Variants in DLG2 observed in about 807,000 individuals in gnomAD.
DLG2 encodes the protein disks large homolog 2.
A neutral mutation model predicts 132.5 loss-of-function variants in DLG2; 45 were observed. The observed-to-expected ratio is 0.34, with a 90% CI of 0.27 to 0.44. The LOEUF is 0.44. Ranked by LOEUF, DLG2 falls within the 20% of genes least tolerant of loss-of-function variation. DLG2 has a pLI of 1.00. For synonymous variants in DLG2, 424 were observed against 419.6 expected (o/e 1.01, Z -0.13); for missense variants, 1,045 against 1,196.9 (o/e 0.87, Z 1.87).
At chr11:85,137,160 G>C (rs985777350) in intron 5 of DLG2, among the ~76,000 whole-genome samples, 11 of 152,060 alleles carry the variant, frequency 7.2e-5, no homozygotes, top group Admixed American at 2.6e-4. Flanking sequence ...ATTTCTAGCT[G>C]AAGTGTTACA....
chr11:85,568,318 A>G (rs934823387), intron 3 of DLG2, among the ~76,000 whole-genome samples: 8 of 151,878 alleles, frequency 5.3e-5, no homozygotes, highest in African/African-American at 1.9e-4. Flanking sequence ...CCTGGCCACT[A>G]GATTTTGTTT....
intron 11 of DLG2, among the ~76,000 whole-genome samples, chr11:84,002,613 C>A (rs7932501): frequency 0.15 from 23,510 of 152,122 alleles, 3,050 homozygotes; most frequent in African/African-American, 0.36. Context: ...ACGTTGGCCC[C>A]TTTTACTCAT....
intron 8 of DLG2, among the ~76,000 whole-genome samples, chr11:84,217,735 T>C (rs917648463): frequency 2.6e-5 from 4 of 152,222 alleles, no homozygotes; most frequent in Non-Finnish European, 5.9e-5. Flanking sequence ...AGTGCTAATG[T>C]TCATTGTGAG....
chr11:83,890,041 C>T (rs1364875163), intron 15 of DLG2, among the ~76,000 whole-genome samples: 1 of 151,914 alleles, frequency 6.6e-6, no homozygotes, highest in Non-Finnish European at 1.5e-5. Flanking sequence ...AGCATACCAG[C>T]ATGGCACATG....
chr11:85,333,293 A>G (rs984377092), intron 3 of DLG2, among the ~76,000 whole-genome samples: 7 of 152,162 alleles, frequency 4.6e-5, no homozygotes, highest in Non-Finnish European at 4.4e-5. Context: ...TAGATTTTGA[A>G]TCCTGAAATT....
chr11:83,977,547 G>A (rs2092382154), intron 12 of DLG2, among the ~76,000 whole-genome samples: 1 of 152,044 alleles, frequency 6.6e-6, no homozygotes, highest in South Asian at 2.1e-4. Context: ...GTTTTAGGCA[G>A]GAGGAAAAAC....
At chr11:85,084,448 G>A (rs995524074) in intron 6 of DLG2, among the ~76,000 whole-genome samples, 2 of 152,176 alleles carry the variant, frequency 1.3e-5, no homozygotes, top group Non-Finnish European at 2.9e-5. Context: ...GAGAGCAAGA[G>A]TGTAGTTTTG....
At chr11:85,372,424 T>A (rs1221276265) in intron 3 of DLG2, among the ~76,000 whole-genome samples, 1 of 152,208 alleles carries the variant, frequency 6.6e-6, no homozygotes, top group South Asian at 2.1e-4. Flanking sequence ...AAGGAGTCCA[T>A]GCAACCCCCC....
chr11:84,388,105 G>A (rs540574941), intron 7 of DLG2, among the ~76,000 whole-genome samples: 4 of 152,258 alleles, frequency 2.6e-5, no homozygotes, highest in Admixed American at 2.6e-4. Flanking sequence ...ATACACTGGG[G>A]ACGTATAATA....
chr11:85,263,454 T>A (rs548905841), intron 4 of DLG2, among the ~76,000 whole-genome samples: 5 of 152,126 alleles, frequency 3.3e-5, no homozygotes, highest in Non-Finnish European at 5.9e-5. Flanking sequence ...CACATAGGGA[T>A]TGAGGACTTT....
At chr11:84,726,113 T>C (rs1333311031) in intron 6 of DLG2, among the ~76,000 whole-genome samples, 2 of 151,994 alleles carry the variant, frequency 1.3e-5, no homozygotes, top group Non-Finnish European at 2.9e-5. Flanking sequence ...GTGTTCACTG[T>C]AATTTATTTA....
At chr11:85,062,519 A>T (rs909459379) in intron 6 of DLG2, among the ~76,000 whole-genome samples, 7 of 151,472 alleles carry the variant, frequency 4.6e-5, no homozygotes, top group African/African-American at 1.7e-4. Flanking sequence ...TCTTTATAAG[A>T]TAGGTAGTAT....
chr11:85,192,902 C>T (rs564592873), intron 4 of DLG2, among the ~76,000 whole-genome samples: 1 of 152,288 alleles, frequency 6.6e-6, no homozygotes, highest in East Asian at 1.9e-4. Flanking sequence ...TAGGACAGGG[C>T]TATTTTGTTC....
chr11:84,680,492 T>C (rs990716929), intron 6 of DLG2, among the ~76,000 whole-genome samples: 2 of 152,144 alleles, frequency 1.3e-5, no homozygotes, highest in African/African-American at 4.8e-5. Context: ...AAGGATACTA[T>C]TCTATTATTC....
intron 11 of DLG2, among the ~76,000 whole-genome samples, chr11:83,986,875 T>A (rs929610683): frequency 2.0e-5 from 3 of 152,214 alleles, no homozygotes; most frequent in African/African-American, 7.2e-5. Flanking sequence ...GAAGTGTCTG[T>A]TCATGTCCTT....
At chr11:85,332,326 T>C (rs2081818416) in intron 3 of DLG2, among the ~76,000 whole-genome samples, 1 of 152,176 alleles carries the variant, frequency 6.6e-6, no homozygotes, top group Non-Finnish European at 1.5e-5. Context: ...GTTTCTTGCT[T>C]GTTGATTTGT....
intron 8 of DLG2, among the ~76,000 whole-genome samples, chr11:84,220,973 CT>C (rs1203903168): frequency 2.3e-4 from 30 of 132,344 alleles, no homozygotes; most frequent in South Asian, 1.7e-3. Context: ...TTTTTTTTTA[CT>C]TTTTTTTTTG....
chr11:84,658,154 A>G (rs992269138), intron 6 of DLG2, among the ~76,000 whole-genome samples: 1 of 152,170 alleles, frequency 6.6e-6, no homozygotes, highest in East Asian at 1.9e-4. Flanking sequence ...GATAAAATGT[A>G]TACACGATGA....
chr11:84,426,399 C>T (rs2098966730), intron 7 of DLG2, among the ~76,000 whole-genome samples: 2 of 152,106 alleles, frequency 1.3e-5, no homozygotes, highest in South Asian at 4.1e-4. Flanking sequence ...AATTTGGACT[C>T]AGGTCCAGAT....
Sources: gnomAD v4.1 joint callset for allele counts (sites outside exome capture counted in the v4.1 genomes callset) on GRCh38, gnomAD v4.1.1 for gene constraint, MANE v1.5 for transcripts, NCBI Gene and HGNC (gene_info 2026-07-23, HGNC 2026-07-21) for gene names.